Variants in SART3 observed in about 807,000 individuals in gnomAD.
The protein encoded by SART3 is spliceosome associated factor 3, U4/U6 recycling protein, also known as HIV-1 Tat-interacting protein of 110kDa.
Under a neutral mutation model 122.3 loss-of-function variants are expected in SART3, and 44 were observed. That is an observed-to-expected ratio of 0.36 (90% CI 0.28 to 0.46). The LOEUF (loss-of-function observed/expected upper bound fraction) is 0.46, where lower values mean the gene tolerates loss of function less well. Ranked by LOEUF, SART3 falls within the 20% of genes least tolerant of loss-of-function variation. SART3 has a pLI of 1.00. For missense variants in SART3, 1,101 were observed against 1,229.0 expected (o/e 0.90, Z 1.56); for synonymous variants, 442 against 454.0 (o/e 0.97, Z 0.34).
chr12:108,557,739 C>T (rs2241316), intron 1 of SART3, among the ~76,000 whole-genome samples: 112,806 of 152,184 alleles, frequency 0.74, 43,711 homozygotes, highest in East Asian at 0.92. Flanking sequence ...CCATAGTCTC[C>T]GTACTGCTGC....
rs1449979409 is a variant in SART3 at position 108,526,118 on chromosome 12, C to T, written c.2351G>A (p.Ser784Asn). 1 of 1,614,076 alleles carries T rather than the reference C, an allele frequency of 6.2e-7. No individual in the cohort carries two copies. The highest frequency in any genetic ancestry group is 2.2e-5 in the East Asian group (1 of 44,888). The change falls in exon 16 of 19, where the codon AGC becomes AAC. Residue 784 changes from serine (S) to asparagine (N), a missense_variant. By Grantham distance (46) the Ser-to-Asn change is conservative (BLOSUM62 1). Coordinates refer to ENST00000546815, the MANE Select transcript of SART3 (RefSeq NM_014706.4). ...ACCTACCTTAAAATCGGGGTTTTTG[C>T]TCTTATCCACACAGGGGGAAACAAA... Reference protein sequence around the residue: ...PMFVSPCVDKSKNPDFKVFRY... With the variant: ...PMFVSPCVDKNKNPDFKVFRY...
At chr12:108,539,676 A>G (rs1355963289) in intron 6 of SART3, among the ~76,000 whole-genome samples, 1 of 152,236 alleles carries the variant, frequency 6.6e-6, no homozygotes, top group African/African-American at 2.4e-5. Context: ...CCATGACATA[A>G]TTGAATGATC....
At position 108,530,227 on chromosome 12, in the gene SART3, C is replaced by T. The variant is rs764966742; in HGVS notation, c.1830G>A (p.Ala610=). The T allele has an allele frequency of 8.7e-6, 14 of 1,614,038 alleles. No homozygotes were observed. The highest frequency in any genetic ancestry group is 3.3e-4 in the Middle Eastern group (2 of 6,084). The change falls in exon 15 of 19, where the codon GCG becomes GCA. Residue 610 remains alanine (A), a synonymous_variant. Transcript: ENST00000546815. Reference sequence around the variant, plus strand: ...CTCTGATCTTTTTCTTCTTTTTTAACGCTTTCTTCTCAGCCCGAGCTCTTT... The same window carrying T: ...CTCTGATCTTTTTCTTCTTTTTTAATGCTTTCTTCTCAGCCCGAGCTCTTT... ...QRKRARAEKK[A]LKKKKKIRGP...
intron 5 of SART3, among the ~76,000 whole-genome samples, chr12:108,544,191 TG>T (rs1365945577): frequency 3.9e-5 from 6 of 152,334 alleles, no homozygotes; most frequent in Non-Finnish European, 8.8e-5. Flanking sequence ...AGCTCTCACC[TG>T]GGAGTCAGGG....
At chr12:108,549,034 A>G in intron 2 of SART3, 54 bp downstream of exon 2, 1 of 1,613,326 alleles carries the variant, frequency 6.2e-7, no homozygotes, top group Non-Finnish European at 8.5e-7. Context: ...ACATTGTAAA[A>G]AATGTGCAAG....
In SART3 at chr12:108,543,150, T is replaced by C; in HGVS notation, c.784A>G (p.Met262Val). The C allele has an allele frequency of 6.2e-7, 1 of 1,614,192 alleles. No individual in the cohort carries two copies. Among genetic ancestry groups the C allele is most frequent in the Non-Finnish European group, 8.5e-7 (1 of 1,179,994 alleles). ...TCATACTCTGCAAATGTGGCCTCCA[T>C]ATCTATTGAAAGATGGATTCAGCCC... is the stretch of plus-strand genomic sequence containing the variant. Reference protein sequence around the residue: ...RRQLAIPLYDMEATFAEYEEW... With the variant: ...RRQLAIPLYDVEATFAEYEEW... Residue 262 changes from methionine (M) to valine (V), a missense_variant and splice_region_variant, in exon 6 of 19, where the codon ATG becomes GTG. By Grantham distance (21) the Met-to-Val change is conservative. This residue lies in a region of SART3 where 885 missense variants were observed against 1,080.1 expected (regional missense o/e 0.82). Coordinates refer to ENST00000546815, the MANE Select transcript of SART3 (RefSeq NM_014706.4).
chr12:108,529,587 A>G (rs1284396559), intron 15 of SART3, among the ~76,000 whole-genome samples: 1 of 152,240 alleles, frequency 6.6e-6, no homozygotes, highest in Non-Finnish European at 1.5e-5. Flanking sequence ...GAGAATCAGC[A>G]TAAATAATTC....
intron 15 of SART3, among the ~76,000 whole-genome samples, chr12:108,527,805 T>C (rs1349095195): frequency 6.6e-6 from 1 of 152,146 alleles, no homozygotes; most frequent in Non-Finnish European, 1.5e-5. Flanking sequence ...TTGCTCTCTC[T>C]CCCAGGCTGG....
At position 108,544,714 on chromosome 12, in the gene SART3, C is replaced by G. The variant is rs141128920; in HGVS notation, c.730-236G>C. 1,354 of 631,712 alleles carry G rather than the reference C, an allele frequency of 2.1e-3. 15 individuals carry two copies. In the African/African-American group the frequency reaches 0.022, roughly 10 times the overall value. The allele number at this position is 631,712 out of a possible 1,614,324, so 39.1% of individuals were successfully genotyped here. A position where few individuals can be genotyped will look rare whatever the true frequency, so the allele number is the denominator to read the frequency against. ...CTGAGTAGCTAGGACCACAGGCATA[C>G]GCCATCATGCCCAGCTAATGTTTTA... On this transcript the variant is annotated intron_variant, in intron 4 of 18. Coordinates refer to ENST00000546815, the MANE Select transcript of SART3 (RefSeq NM_014706.4).
At position 108,561,159 on chromosome 12, in the gene SART3, C is replaced by G; in HGVS notation, c.-5G>C. On this transcript the variant is annotated 5_prime_UTR_variant, in exon 1 of 19. Transcript: ENST00000546815. Reference sequence around the variant, plus strand: ...GGTTTCGGCCGCAGTCGCCATCTTGCGCTTCTAATGACTCTCGGGTCTTCC... The same window carrying G: ...GGTTTCGGCCGCAGTCGCCATCTTGGGCTTCTAATGACTCTCGGGTCTTCC... 1 of 1,613,074 alleles carries G rather than the reference C, an allele frequency of 6.2e-7. No homozygotes were observed. Among genetic ancestry groups the G allele is most frequent in the South Asian group, 1.1e-5 (1 of 91,054 alleles).
In SART3 at chr12:108,535,486, G is replaced by C. The variant is rs761768595; in HGVS notation, c.1447-18C>G. On this transcript the variant is annotated intron_variant, in intron 11 of 18. Transcript: ENST00000546815. ...AGTCGAGCCTAAAGTGCATCAGCAG[G>C]CTGTTAGGAGACCTGAACCTTATGA... 2 of 1,600,476 alleles carry C rather than the reference G, an allele frequency of 1.2e-6. No individual in the cohort carries two copies. Among genetic ancestry groups the C allele is most frequent in the African/African-American group, 2.7e-5 (2 of 74,754 alleles).
chr12:108,527,915 G>A (rs1463992639), intron 15 of SART3, among the ~76,000 whole-genome samples: 4 of 151,932 alleles, frequency 2.6e-5, no homozygotes, highest in Non-Finnish European at 4.4e-5. Flanking sequence ...ACAGGCACCC[G>A]CCACCACAGC....
intron 8 of SART3, 132 bp downstream of exon 8, chr12:108,537,933 A>G: frequency 9.2e-7 from 1 of 1,084,272 alleles, no homozygotes; most frequent in Non-Finnish European, 1.4e-6. Flanking sequence ...TCTCACTCAG[A>G]GCCCTTTTTG....
At chr12:108,542,447 C>A (rs1873210672) in intron 6 of SART3, among the ~76,000 whole-genome samples, 1 of 152,152 alleles carries the variant, frequency 6.6e-6, no homozygotes, top group African/African-American at 2.4e-5. Flanking sequence ...GAGATACACA[C>A]AAGAATGTTC....
intron 1 of SART3, among the ~76,000 whole-genome samples, chr12:108,556,479 C>T (rs2030225530): frequency 6.6e-6 from 1 of 152,212 alleles, no homozygotes; most frequent in South Asian, 2.1e-4. Context: ...CAGATAAGAA[C>T]ATGATCTCTA....
At chr12:108,555,959 A>C (rs1416681825) in intron 1 of SART3, among the ~76,000 whole-genome samples, 1 of 152,214 alleles carries the variant, frequency 6.6e-6, no homozygotes, top group African/African-American at 2.4e-5. Flanking sequence ...CAGGATAGAC[A>C]AACTGAAGAG....
At chr12:108,531,543 G>A (rs1872677049) in intron 13 of SART3, 5 of 408,174 alleles carry the variant, frequency 1.2e-5, no homozygotes, top group Admixed American at 7.6e-5. Context: ...GAAAACGAAC[G>A]TTCTAATGCA....
intron 1 of SART3, among the ~76,000 whole-genome samples, chr12:108,551,366 A>C (rs2030003002): frequency 6.6e-6 from 1 of 152,234 alleles, no homozygotes; most frequent in Non-Finnish European, 1.5e-5. Context: ...CAGAGCTCAA[A>C]GAGACACAGC....
intron 17 of SART3, 161 bp from the exon 18 acceptor site, chr12:108,524,667 TA>T: frequency 1.5e-6 from 1 of 671,846 alleles, no homozygotes; most frequent in East Asian, 2.7e-5. Flanking sequence ...ATCCTCTGTC[TA>T]CAGGCTTATT....
Sources: allele counts gnomAD v4.1 joint callset (sites outside exome capture counted in the v4.1 genomes callset), GRCh38; gene constraint gnomAD v4.1.1; regional missense constraint gnomAD v4.1.1; transcripts MANE v1.5; gene names NCBI Gene and HGNC (gene_info 2026-07-23, HGNC 2026-07-21).